Variants in HNMT observed in about 807,000 individuals in gnomAD.
HNMT encodes the protein histamine N-methyltransferase.
A neutral mutation model predicts 32.1 loss-of-function variants in HNMT; 30 were observed. That is an observed-to-expected ratio of 0.93 (90% confidence interval 0.70 to 1.27). HNMT has a LOEUF of 1.27. Among genes scored for constraint, HNMT ranks in the 50% most tolerant of loss-of-function variants. The pLI, the probability that HNMT is intolerant of heterozygous loss-of-function variation, is 0.00. For synonymous variants in HNMT, 125 were observed against 119.0 expected (o/e 1.05, Z -0.33); for missense variants, 327 against 346.0 (o/e 0.95, Z 0.43).
intron 5 of HNMT, among the ~76,000 whole-genome samples, chr2:138,008,918 A>G (rs1186589396): frequency 6.6e-6 from 1 of 152,114 alleles, no homozygotes; most frequent in East Asian, 1.9e-4. Flanking sequence ...ATCTCATTAA[A>G]CTTAAGAGCT....
At chr2:137,989,905 G>A (rs1373008900) in intron 2 of HNMT, among the ~76,000 whole-genome samples, 5 of 152,142 alleles carry the variant, frequency 3.3e-5, no homozygotes, top group Admixed American at 3.3e-4. Flanking sequence ...TTGGTGAGGT[G>A]TTTAGGTCTT....
intron 1 of HNMT, among the ~76,000 whole-genome samples, chr2:137,966,895 T>C (rs556088139): frequency 6.6e-6 from 1 of 152,318 alleles, no homozygotes; most frequent in African/African-American, 2.4e-5. Context: ...ATCTCATGCC[T>C]TTCTTTTCTT....
At chr2:137,977,006 G>C (rs1680307104) in intron 2 of HNMT, among the ~76,000 whole-genome samples, 1 of 152,132 alleles carries the variant, frequency 6.6e-6, no homozygotes, top group Admixed American at 6.5e-5. Flanking sequence ...CAAAACAAGG[G>C]ATAATGAACC....
At chr2:138,013,263 A>G (rs1365177882) in intron 5 of HNMT, among the ~76,000 whole-genome samples, 1 of 151,984 alleles carries the variant, frequency 6.6e-6, no homozygotes, top group Non-Finnish European at 1.5e-5. Context: ...GTGGTTTCCC[A>G]TTGGGCCCCA....
intron 1 of HNMT, among the ~76,000 whole-genome samples, chr2:137,968,612 G>T (rs1478093027): frequency 6.6e-6 from 1 of 152,180 alleles, no homozygotes; most frequent in East Asian, 1.9e-4. Context: ...CAACTTGGGT[G>T]CTCTGCTTCA....
At chr2:138,002,577 A>G in intron 4 of HNMT, 1 of 201,032 alleles carries the variant, frequency 5.0e-6, no homozygotes, top group Non-Finnish European at 8.9e-6. Flanking sequence ...CTTCCTGGTT[A>G]GTTGAGACCA....
rs201383089 is a variant in HNMT at position 137,964,633 on chromosome 2, C to A, written c.137+5C>A. On this transcript the variant is annotated splice_donor_5th_base_variant and intron_variant, in intron 1 of 5. Transcript: ENST00000280097. Reference sequence around the variant, plus strand: ...GCTGCCAGGCATAATAGGAAGGTAACAAAAGGGACGTTGTTGTCAAAGGGA... The same window carrying A: ...GCTGCCAGGCATAATAGGAAGGTAAAAAAAGGGACGTTGTTGTCAAAGGGA... 95 of 1,613,618 alleles carry A rather than the reference C, an allele frequency of 5.9e-5. No individual in the cohort carries two copies. In the East Asian group the frequency reaches 1.6e-3, roughly 28 times the overall value.
chr2:137,993,627 T>C (rs1025006313), intron 2 of HNMT, among the ~76,000 whole-genome samples: 1 of 152,124 alleles, frequency 6.6e-6, no homozygotes, highest in Non-Finnish European at 1.5e-5. Flanking sequence ...CAGGAGAACT[T>C]CCTCAATCTA....
chr2:137,996,698 G>T (rs1040075499), intron 2 of HNMT, among the ~76,000 whole-genome samples: 1 of 152,136 alleles, frequency 6.6e-6, no homozygotes, highest in Non-Finnish European at 1.5e-5. Flanking sequence ...AATCAAAGAA[G>T]ACCACATATA....
intron 2 of HNMT, chr2:137,981,140 G>A: frequency 1.4e-6 from 2 of 1,479,336 alleles, no homozygotes; most frequent in Non-Finnish European, 1.8e-6. Flanking sequence ...TATGAGAAAA[G>A]AAGCAGGGAT....
intron 2 of HNMT, among the ~76,000 whole-genome samples, chr2:137,988,096 G>A (rs570305784): frequency 6.6e-6 from 1 of 152,198 alleles, no homozygotes; most frequent in African/African-American, 2.4e-5. Context: ...TCCTGGAGCC[G>A]CAAAATTCAG....
intron 4 of HNMT, 128 bp downstream of exon 4, chr2:138,002,322 C>T (rs1681199446): frequency 1.8e-6 from 2 of 1,104,776 alleles, no homozygotes; most frequent in Non-Finnish European, 2.3e-6. Context: ...TTACAAGTGA[C>T]CATGATCTGC....
chr2:137,970,646 C>T (rs1436772919), intron 2 of HNMT, among the ~76,000 whole-genome samples: 4 of 152,110 alleles, frequency 2.6e-5, no homozygotes, highest in East Asian at 1.9e-4. Context: ...GGAGGCTGGG[C>T]GCGGTGGCTC....
intron 5 of HNMT, among the ~76,000 whole-genome samples, chr2:138,008,577 C>T (rs1394621604): frequency 1.3e-5 from 2 of 151,848 alleles, no homozygotes; most frequent in African/African-American, 4.8e-5. Context: ...CAAAAACAAG[C>T]ACATAGACCA....
At chr2:137,969,177 G>A (rs1332222396) in intron 1 of HNMT, among the ~76,000 whole-genome samples, 1 of 152,108 alleles carries the variant, frequency 6.6e-6, no homozygotes, top group African/African-American at 2.4e-5. Flanking sequence ...GTACCTCTCT[G>A]TGCTTTATTT....
intron 3 of HNMT, among the ~76,000 whole-genome samples, chr2:138,001,661 T>C (rs1380026693): frequency 6.6e-6 from 1 of 152,164 alleles, no homozygotes; most frequent in Non-Finnish European, 1.5e-5. Context: ...GAACGATATA[T>C]GTTTTTAGCT....
At chr2:137,977,975 G>A (rs1229089597) in intron 2 of HNMT, among the ~76,000 whole-genome samples, 1 of 152,066 alleles carries the variant, frequency 6.6e-6, no homozygotes, top group Non-Finnish European at 1.5e-5. Flanking sequence ...GCCAGTCCAG[G>A]AGGGCTGCTA....
At chr2:137,982,582 A>G (rs1476575619) in intron 2 of HNMT, among the ~76,000 whole-genome samples, 2 of 152,214 alleles carry the variant, frequency 1.3e-5, no homozygotes, top group Non-Finnish European at 1.5e-5. Context: ...AACTTCCCAA[A>G]TCAGAAAGCC....
At chr2:137,971,208 C>A in intron 2 of HNMT, among the ~76,000 whole-genome samples, 1 of 151,522 alleles carries the variant, frequency 6.6e-6, no homozygotes. Flanking sequence ...GACGGATTCT[C>A]ACTCTGTCGC....
Sources: allele counts gnomAD v4.1 joint callset (sites outside exome capture counted in the v4.1 genomes callset), GRCh38; gene constraint gnomAD v4.1.1; transcripts MANE v1.5; gene names NCBI Gene and HGNC (gene_info 2026-07-23, HGNC 2026-07-21).